The following AP2A2 variants were observed in gnomAD, a reference collection of about 807,000 sequenced individuals.
The protein encoded by AP2A2 is AP-2 complex subunit alpha-2.
Under a neutral mutation model 104.2 loss-of-function variants are expected in AP2A2, and 32 were observed. The observed-to-expected ratio is 0.31, with a 90% CI of 0.23 to 0.41. The LOEUF (loss-of-function observed/expected upper bound fraction) is 0.41. AP2A2 is among the 10% of genes least tolerant of loss of function. The pLI, the probability that AP2A2 is intolerant of heterozygous loss-of-function variation, is 1.00. For synonymous variants in AP2A2, 539 were observed against 533.3 expected (o/e 1.01, Z -0.15); for missense variants, 912 against 1,261.0 (o/e 0.72, Z 4.19).
chr11:950,196 A>G (rs1207959960), intron 1 of AP2A2, among the ~76,000 whole-genome samples: 3 of 152,028 alleles, frequency 2.0e-5, no homozygotes, highest in Non-Finnish European at 2.9e-5. Flanking sequence ...ATGGACTCCT[A>G]CCTTACACTA....
chr11:932,167 G>T lies in AP2A2; in HGVS notation c.67+6079G>T, dbSNP rs180778393. ...GTGGTTTCACCAAGTTGGTCAGGCT[G>T]GTCTCGAACTCTTGGCCTCAAGTGA... On this transcript the variant is annotated intron_variant, in intron 1 of 21. Coordinates refer to ENST00000448903, the MANE Select transcript of AP2A2 (RefSeq NM_012305.4). Among the ~76,000 whole-genome samples, 574 of 152,300 alleles carry T rather than the reference G, an allele frequency of 3.8e-3. 5 individuals carry two copies. Among genetic ancestry groups the T allele is most frequent in the African/African-American group, 0.012 (499 of 41,574 alleles).
At position 992,733 on chromosome 11, in the gene AP2A2, G is replaced by A. The variant is rs1855702767; in HGVS notation, c.1452+48G>A. On this transcript the variant is annotated intron_variant, in intron 11 of 21. Coordinates refer to ENST00000448903, the MANE Select transcript of AP2A2 (RefSeq NM_012305.4). This position sits in a 1 kb window ranked among gnomAD's most constrained non-coding sequence, Gnocchi z 6.4. Reference sequence around the variant, plus strand: ...AAGGATGGGGTGGAGGGCAGTTGCAGAAGGTGAGCAGTGAGTGGTTCCAGC... The same window carrying A: ...AAGGATGGGGTGGAGGGCAGTTGCAAAAGGTGAGCAGTGAGTGGTTCCAGC... 1 of 1,607,380 alleles carries A rather than the reference G, an allele frequency of 6.2e-7. No homozygotes were observed. Among genetic ancestry groups the A allele is most frequent in the African/African-American group, 1.3e-5 (1 of 74,804 alleles).
At chr11:990,286 G>A (rs1017198563) in intron 10 of AP2A2, among the ~76,000 whole-genome samples, 1 of 152,174 alleles carries the variant, frequency 6.6e-6, no homozygotes, top group Non-Finnish European at 1.5e-5. Flanking sequence ...GCACCGTGGT[G>A]TAGGGCAGGG....
Position 1,010,787 on chromosome 11 carries a change from C to A in AP2A2, c.*162C>A. 1.4e-6 allele frequency: 1 copy of A among 699,006 alleles called. No homozygotes were observed. 43.3% of individuals were successfully genotyped at this position (699,006 alleles called of 1,614,324 possible). A position where few individuals can be genotyped will look rare whatever the true frequency, so the allele number is the denominator to read the frequency against. On this transcript the variant is annotated 3_prime_UTR_variant, in exon 22 of 22. Coordinates refer to ENST00000448903, the MANE Select transcript of AP2A2 (RefSeq NM_012305.4). ...CTCTCCCCTTTGGGCTGGACGGGAA[C>A]ACACGTGTGTGGCTCAGGAGGAAAA...
intron 1 of AP2A2, among the ~76,000 whole-genome samples, chr11:935,636 C>A (rs1390935750): frequency 1.5e-5 from 1 of 66,428 alleles, no homozygotes; most frequent in Non-Finnish European, 3.0e-5. Flanking sequence ...GAGATAGAGT[C>A]TCGCTGTGTT....
chr11:991,990 C>G (rs868637655), intron 10 of AP2A2, among the ~76,000 whole-genome samples: 1 of 152,074 alleles, frequency 6.6e-6, no homozygotes, highest in South Asian at 2.1e-4. Flanking sequence ...GGGGGGCACC[C>G]GTGAGAGTGA....
At chr11:975,134 A>G (rs1272521753) in intron 4 of AP2A2, among the ~76,000 whole-genome samples, 2 of 152,212 alleles carry the variant, frequency 1.3e-5, no homozygotes, top group Non-Finnish European at 2.9e-5. Context: ...GCAGCGGCCA[A>G]GGCAGAAGAG....
intron 1 of AP2A2, among the ~76,000 whole-genome samples, chr11:952,320 A>G (rs1854079123): frequency 6.6e-6 from 1 of 152,228 alleles, no homozygotes; most frequent in Admixed American, 6.5e-5. Flanking sequence ...CCAGAATACT[A>G]ATCCTCTCTG....
At chr11:950,231 C>G (rs1298507036) in intron 1 of AP2A2, among the ~76,000 whole-genome samples, 1 of 151,160 alleles carries the variant, frequency 6.6e-6, no homozygotes, top group Non-Finnish European at 1.5e-5. Context: ...CTCCATGGAT[C>G]ATAAACCCAA....
At chr11:961,302 A>G (rs1854428301) in intron 2 of AP2A2, among the ~76,000 whole-genome samples, 1 of 150,168 alleles carries the variant, frequency 6.7e-6, no homozygotes, top group South Asian at 2.1e-4. Flanking sequence ...CACCAGTGAA[A>G]AGTAAAGGGC....
At position 1,002,699 on chromosome 11, in the gene AP2A2, A is replaced by T. The variant is rs1856067761; in HGVS notation, c.2124-1023A>T. 3.9e-5 allele frequency among the ~76,000 whole-genome samples: 6 copies of T among 152,252 alleles called. No homozygotes were observed. The South Asian group carries it at 1.2e-3, about 31-fold the overall frequency. ...TGTCTTCCTGGCCTGGTCTCCATACAGCAGGATGCCGATGAGAAGGTTGGC... is the reference window on the plus strand; with the variant it reads ...TGTCTTCCTGGCCTGGTCTCCATACTGCAGGATGCCGATGAGAAGGTTGGC... On this transcript the variant is annotated intron_variant, in intron 15 of 21. Transcript: ENST00000448903.
In AP2A2 at chr11:970,283, G is replaced by A; in HGVS notation, c.251G>A (p.Ser84Asn). ...FGHMEAVNLLSSNRYTEKQIG... is the reference protein window; with the variant it reads ...FGHMEAVNLLNSNRYTEKQIG... ...CACATGGAGGCTGTGAACCTGCTGA[G>A]TTCAAACAGATACACGGAAAAGCAG... Residue 84 changes from serine to asparagine, a missense_variant, in exon 3 of 22, where the codon AGT (serine) becomes AAT (asparagine). This residue lies in a region of AP2A2 where 350 missense variants were observed against 487.0 expected (regional missense o/e 0.72). Transcript: ENST00000448903. The A allele has an allele frequency of 6.2e-7, 1 of 1,613,892 alleles. No homozygotes were observed. Among genetic ancestry groups the A allele is most frequent in the Non-Finnish European group, 8.5e-7 (1 of 1,179,802 alleles).
intron 14 of AP2A2, among the ~76,000 whole-genome samples, chr11:997,039 G>C (rs1564817991): frequency 1.3e-5 from 2 of 152,182 alleles, no homozygotes; most frequent in Non-Finnish European, 2.9e-5. Flanking sequence ...CCTCCCTATG[G>C]GGAGACACTC....
intron 16 of AP2A2, among the ~76,000 whole-genome samples, chr11:1,005,194 A>G (rs181732126): frequency 3.3e-5 from 5 of 152,274 alleles, no homozygotes; most frequent in African/African-American, 9.6e-5. Context: ...TGCATAAAGC[A>G]GCACACATGC....
At chr11:962,911 C>T (rs561807506) in intron 2 of AP2A2, among the ~76,000 whole-genome samples, 7 of 152,144 alleles carry the variant, frequency 4.6e-5, no homozygotes. Context: ...AGAAAATCTA[C>T]TCCTTGTCCG....
intron 1 of AP2A2, among the ~76,000 whole-genome samples, chr11:943,790 C>A (rs560786788): frequency 8.4e-6 from 1 of 118,954 alleles, no homozygotes; most frequent in Non-Finnish European, 1.7e-5. Flanking sequence ...GAGTCCCGAC[C>A]GGAGACGCAG....
At chr11:934,332 C>T (rs1430768250) in intron 1 of AP2A2, among the ~76,000 whole-genome samples, 3 of 151,960 alleles carry the variant, frequency 2.0e-5, no homozygotes, top group African/African-American at 7.2e-5. Flanking sequence ...ACTATGTTGC[C>T]CAGGATGGTC....
At position 935,178 on chromosome 11, in the gene AP2A2, C is replaced by T. The variant is rs369681719; in HGVS notation, c.67+9090C>T. Among the ~76,000 whole-genome samples the T allele has an allele frequency of 1.1e-4, 16 of 151,068 alleles. No individual in the cohort carries two copies. The East Asian group carries it at 1.9e-3, about 18-fold the overall frequency. The stretch of plus-strand genomic sequence containing the variant: ...AAGTGATTCTCCTGCCTCAGCCTCC[C>T]GAGCAGCTTGGACTACAGATGCGCG... On this transcript the variant is annotated intron_variant, in intron 1 of 21. Coordinates refer to ENST00000448903, the MANE Select transcript of AP2A2 (RefSeq NM_012305.4).
At chr11:1,002,315 G>A (rs1005023815) in intron 15 of AP2A2, among the ~76,000 whole-genome samples, 1 of 152,258 alleles carries the variant, frequency 6.6e-6, no homozygotes, top group African/African-American at 2.4e-5. Flanking sequence ...CGCCTCGGCC[G>A]GCTCCTCCTG....
Sources: allele counts gnomAD v4.1 joint callset (sites outside exome capture counted in the v4.1 genomes callset), GRCh38; gene constraint gnomAD v4.1.1; regional missense constraint gnomAD v4.1.1; non-coding constraint Gnocchi (gnomAD v3.1); transcripts MANE v1.5; gene names NCBI Gene and HGNC (gene_info 2026-07-23, HGNC 2026-07-21).